Variants in GNG2 observed in about 807,000 individuals in gnomAD.
The protein encoded by GNG2 is guanine nucleotide-binding protein G(I)/G(S)/G(O) subunit gamma-2.
In GNG2, 5 loss-of-function variants were observed where a neutral mutation model predicts 5.5. The ratio of observed to expected loss-of-function variants is 0.91; its 90% CI spans 0.48 to 1.92. GNG2 has a LOEUF of 1.92. GNG2 is among the 30% of genes most tolerant of loss of function. The pLI is 0.01. For synonymous variants in GNG2, 28 were observed against 32.0 expected (o/e 0.88, Z 0.42); for missense variants, 55 against 88.4 (o/e 0.62, Z 1.52).
At chr14:51,838,453 A>AAG (rs1555347365) in intron 2 of GNG2, among the ~76,000 whole-genome samples, 5 of 151,264 alleles carry the variant, frequency 3.3e-5, no homozygotes, top group African/African-American at 9.8e-5. Context: ...CAAAAAAAAA[A>AAG]GGGGGGGTTA....
chr14:51,889,945 A>G (rs7154422), intron 2 of GNG2, among the ~76,000 whole-genome samples: 26,745 of 152,164 alleles, frequency 0.18, 4,039 homozygotes, highest in African/African-American at 0.41. Flanking sequence ...ATATCCTGTC[A>G]GTAAAGCATC....
chr14:51,901,571 T>C (rs917596135), intron 2 of GNG2, among the ~76,000 whole-genome samples: 1 of 152,064 alleles, frequency 6.6e-6, no homozygotes, highest in African/African-American at 2.4e-5. Flanking sequence ...GTAGTGGACA[T>C]GGGAGGACGG....
intron 2 of GNG2, among the ~76,000 whole-genome samples, chr14:51,928,312 G>A (rs192167466): frequency 4.7e-4 from 71 of 152,082 alleles, no homozygotes; most frequent in Non-Finnish European, 8.2e-4. Flanking sequence ...TTACAGGCGC[G>A]GTGGCTCACG....
At chr14:51,869,600 C>A (rs1237848415) in intron 1 of GNG2, among the ~76,000 whole-genome samples, 1 of 152,130 alleles carries the variant, frequency 6.6e-6, no homozygotes, top group African/African-American at 2.4e-5. Flanking sequence ...GCAGCCTCAG[C>A]CTGCAGGTGG....
At chr14:51,849,056 G>A (rs558874291) in intron 2 of GNG2, among the ~76,000 whole-genome samples, 70 of 152,248 alleles carry the variant, frequency 4.6e-4, no homozygotes, top group Non-Finnish European at 7.5e-4. Context: ...AGGAATTTGG[G>A]AGCAGCTTAT....
chr14:51,913,716 G>C (rs1886433685), intron 2 of GNG2, among the ~76,000 whole-genome samples: 1 of 152,146 alleles, frequency 6.6e-6, no homozygotes, highest in Non-Finnish European at 1.5e-5. Flanking sequence ...CTAGATAAAG[G>C]AATAAGCACA....
chr14:51,901,435 C>T (rs1241569017), intron 2 of GNG2, among the ~76,000 whole-genome samples: 4 of 152,018 alleles, frequency 2.6e-5, no homozygotes, highest in Admixed American at 1.3e-4. Flanking sequence ...CTCAAGCAGT[C>T]GGCCTGCCTA....
chr14:51,914,151 A>G (rs1307327675), intron 2 of GNG2: 2 of 692,892 alleles, frequency 2.9e-6, no homozygotes, highest in Non-Finnish European at 5.3e-6. Context: ...GGGGGAATGG[A>G]GTCATTCCAT....
At chr14:51,869,346 G>A (rs1883149125) in intron 1 of GNG2, among the ~76,000 whole-genome samples, 1 of 152,230 alleles carries the variant, frequency 6.6e-6, no homozygotes, top group African/African-American at 2.4e-5. Flanking sequence ...TACTTATGTG[G>A]TAGCTGGATA....
At chr14:51,870,518 A>G (rs1883229186) in intron 1 of GNG2, among the ~76,000 whole-genome samples, 1 of 152,252 alleles carries the variant, frequency 6.6e-6, no homozygotes, top group African/African-American at 2.4e-5. Flanking sequence ...TTTGGTCTAT[A>G]TAAAAATCTA....
intron 2 of GNG2, among the ~76,000 whole-genome samples, chr14:51,850,740 TAGA>T (rs937205186): frequency 6.6e-6 from 1 of 152,106 alleles, no homozygotes; most frequent in Non-Finnish European, 1.5e-5. Flanking sequence ...ACAATCATGG[TAGA>T]AGGTGAAGAG....
upstream of GNG2, among the ~76,000 whole-genome samples, chr14:51,860,000 G>A (rs1882351468): frequency 6.6e-6 from 1 of 152,198 alleles, no homozygotes; most frequent in African/African-American, 2.4e-5. Flanking sequence ...ATTCTTTTCT[G>A]AGCATGTGGG....
intron 3 of GNG2, among the ~76,000 whole-genome samples, chr14:51,965,027 C>T (rs116987427): frequency 7.4e-4 from 113 of 152,232 alleles, no homozygotes; most frequent in Non-Finnish European, 1.4e-3. Context: ...TTATTTCAGT[C>T]GGACGAAGTG....
intron 2 of GNG2, among the ~76,000 whole-genome samples, chr14:51,916,855 T>G (rs1476922346): frequency 6.6e-6 from 1 of 152,184 alleles, no homozygotes; most frequent in Non-Finnish European, 1.5e-5. Context: ...CACTGGAGAT[T>G]GAGGCCTGGC....
In GNG2 at chr14:51,963,335, A is replaced by T. The variant is rs1163789461; in HGVS notation, c.88-3224A>T. ...AAAAGATTTTGAATATTCATGCTAC[A>T]TAGTTGTATGTGAGTGTTGCAAACG... On this transcript the variant is annotated intron_variant, in intron 3 of 3. Transcript: ENST00000556766. 3.3e-5 allele frequency among the ~76,000 whole-genome samples: 5 copies of T among 152,318 alleles called. No homozygotes were observed. The East Asian group carries it at 5.8e-4, about 18-fold the overall frequency.
chr14:51,886,480 A>G (rs1031230106), intron 2 of GNG2, among the ~76,000 whole-genome samples: 1 of 152,236 alleles, frequency 6.6e-6, no homozygotes, highest in African/African-American at 2.4e-5. Context: ...CAGCCCTCAG[A>G]AAATGCCAGC....
intron 3 of GNG2, among the ~76,000 whole-genome samples, chr14:51,961,915 A>T (rs1253652): frequency 0.93 from 140,870 of 152,236 alleles, 65,676 homozygotes; most frequent in Non-Finnish European, 0.98. Context: ...GGTTTTCTAC[A>T]AATTACAATG....
chr14:51,894,652 T>C (rs1885069023), intron 2 of GNG2, among the ~76,000 whole-genome samples: 1 of 152,160 alleles, frequency 6.6e-6, no homozygotes. Context: ...TTTCAGTTTT[T>C]TTTTAAGTAT....
At chr14:51,892,321 T>A (rs1884914161) in intron 2 of GNG2, among the ~76,000 whole-genome samples, 1 of 151,160 alleles carries the variant, frequency 6.6e-6, no homozygotes, top group Admixed American at 6.6e-5. Flanking sequence ...TTTATTTTAT[T>A]TTTTTTTTGA....
Sources: gnomAD v4.1 joint callset for allele counts (sites outside exome capture counted in the v4.1 genomes callset) on GRCh38, gnomAD v4.1.1 for gene constraint, MANE v1.5 for transcripts, NCBI Gene and HGNC (gene_info 2026-07-23, HGNC 2026-07-21) for gene names.